The following SDK1 variants were observed in gnomAD, a reference collection of about 807,000 sequenced individuals.
SDK1 encodes the protein protein sidekick-1.
A neutral mutation model predicts 245.5 loss-of-function variants in SDK1; 157 were observed. The ratio of observed to expected loss-of-function variants is 0.64; its 90% CI spans 0.56 to 0.73. The LOEUF (loss-of-function observed/expected upper bound fraction) is 0.73. Ranked by LOEUF, SDK1 falls within the 30% of genes least tolerant of loss-of-function variation. SDK1 has a pLI of 0.00. For missense variants in SDK1, 3,583 were observed against 3,002.3 expected (o/e 1.19, Z -4.52); for synonymous variants, 1,647 against 1,278.5 (o/e 1.29, Z -6.15).
At chr7:3,483,564 C>G (rs561349931) in intron 1 of SDK1, among the ~76,000 whole-genome samples, 2 of 152,236 alleles carry the variant, frequency 1.3e-5, no homozygotes, top group Admixed American at 6.5e-5. Context: ...TTATTGCAAT[C>G]CCTGCACCAC....
At chr7:4,157,410 AAGAAAAGGAGGGAAGGAAGGCAAG>A (rs1320129957) in intron 30 of SDK1, among the ~76,000 whole-genome samples, 67 of 48,402 alleles carry the variant, frequency 1.4e-3, no homozygotes, top group Non-Finnish European at 1.3e-3. Flanking sequence ...GGGAGGAATG[AAGAAAAGGAGGGAAGGAAGGCAAG>A]AGAAAAGGAG....
intron 5 of SDK1, among the ~76,000 whole-genome samples, chr7:3,850,277 A>G (rs1780386731): frequency 6.6e-6 from 1 of 152,184 alleles, no homozygotes; most frequent in Admixed American, 6.5e-5. Context: ...AATGCTATGT[A>G]TCTCATGAGA....
At chr7:3,420,166 G>C (rs1416325526) in intron 1 of SDK1, among the ~76,000 whole-genome samples, 1 of 152,176 alleles carries the variant, frequency 6.6e-6, no homozygotes, top group East Asian at 1.9e-4. Context: ...GGTGTCCTTT[G>C]AATTTAAAAG....
chr7:3,798,279 G>A (rs139027301), intron 4 of SDK1, among the ~76,000 whole-genome samples: 1,523 of 142,862 alleles, frequency 0.011, 21 homozygotes, highest in Non-Finnish European at 0.014. Context: ...GTGCAGTGGC[G>A]CGATCTCAGC....
At chr7:4,006,200 G>A (rs1785475927) in intron 14 of SDK1, among the ~76,000 whole-genome samples, 1 of 152,196 alleles carries the variant, frequency 6.6e-6, no homozygotes, top group South Asian at 2.1e-4. Flanking sequence ...GAAACCACCA[G>A]CTTTTTCAAC....
At position 3,793,498 on chromosome 7, in the gene SDK1, A is replaced by G. The variant is rs182568671; in HGVS notation, c.714-27952A>G. On this transcript the variant is annotated intron_variant, in intron 4 of 44. Transcript: ENST00000404826. ...CATGAAAGGCTTCCTCGTGCCTTAG[A>G]TAGTCTTCAGGTTTCTTTCTTAGTG... 5.9e-5 allele frequency among the ~76,000 whole-genome samples: 9 copies of G among 152,220 alleles called. No individual in the cohort carries two copies. In the East Asian group the frequency reaches 1.7e-3, roughly 29 times the overall value.
intron 1 of SDK1, among the ~76,000 whole-genome samples, chr7:3,395,868 T>G (rs1042732018): frequency 6.6e-6 from 1 of 151,748 alleles, no homozygotes; most frequent in Non-Finnish European, 1.5e-5. Flanking sequence ...TTTCTTTCTC[T>G]CTCTCTTTGC....
chr7:3,471,763 G>A (rs1781190954), intron 1 of SDK1, among the ~76,000 whole-genome samples: 1 of 152,060 alleles, frequency 6.6e-6, no homozygotes, highest in Non-Finnish European at 1.5e-5. Flanking sequence ...GCTTTGTATG[G>A]TTTTACTTTT....
At chr7:3,878,345 C>G (rs1781123209) in intron 5 of SDK1, among the ~76,000 whole-genome samples, 1 of 152,036 alleles carries the variant, frequency 6.6e-6, no homozygotes, top group African/African-American at 2.4e-5. Context: ...ACGGTGAAAC[C>G]CCATCTCTAC....
intron 38 of SDK1, among the ~76,000 whole-genome samples, chr7:4,214,639 C>T (rs1344210914): frequency 6.6e-6 from 1 of 151,570 alleles, no homozygotes; most frequent in Non-Finnish European, 1.5e-5. Context: ...AAGAACAAGC[C>T]ATGCAGACCC....
chr7:3,426,961 C>G (rs553623847), intron 1 of SDK1, among the ~76,000 whole-genome samples: 2 of 152,196 alleles, frequency 1.3e-5, no homozygotes. Context: ...GCCTTCCAAC[C>G]TCATCTCTCA....
intron 4 of SDK1, among the ~76,000 whole-genome samples, chr7:3,651,912 A>G (rs1783025442): frequency 6.6e-6 from 1 of 152,188 alleles, no homozygotes; most frequent in African/African-American, 2.4e-5. Flanking sequence ...AGCTAAGCCA[A>G]CGATCCCAAG....
chr7:3,754,499 C>A (rs572515515), intron 4 of SDK1, among the ~76,000 whole-genome samples: 1 of 151,384 alleles, frequency 6.6e-6, no homozygotes, highest in Admixed American at 6.5e-5. Context: ...CTATCAAGGT[C>A]AGTAACATTG....
In SDK1 at chr7:3,375,375, A is replaced by G. The variant is rs897320171; in HGVS notation, c.298+73491A>G. ...ACATATGGGGGTTTAGTGTGTGTTC[A>G]ATGTATTTCATTTTAAAGTAGTGTA... On this transcript the variant is annotated intron_variant, in intron 1 of 44. Coordinates refer to ENST00000404826, the MANE Select transcript of SDK1 (RefSeq NM_152744.4). 2.6e-5 allele frequency among the ~76,000 whole-genome samples: 4 copies of G among 152,194 alleles called. No homozygotes were observed. The East Asian group carries it at 7.7e-4, about 29-fold the overall frequency.
chr7:3,764,621 G>A (rs1290843660), intron 4 of SDK1, among the ~76,000 whole-genome samples: 1 of 152,108 alleles, frequency 6.6e-6, no homozygotes, highest in African/African-American at 2.4e-5. Context: ...AGCAGAGGTT[G>A]CAGCGAGCAG....
intron 44 of SDK1, among the ~76,000 whole-genome samples, chr7:4,253,470 A>G (rs1016525418): frequency 5.3e-5 from 8 of 152,110 alleles, no homozygotes; most frequent in African/African-American, 1.7e-4. Flanking sequence ...ATTTCTAATT[A>G]TATCCTATTT....
chr7:3,382,695 G>T (rs1326852151), intron 1 of SDK1, among the ~76,000 whole-genome samples: 1 of 151,940 alleles, frequency 6.6e-6, no homozygotes, highest in Non-Finnish European at 1.5e-5. Flanking sequence ...TCCTATGTTG[G>T]CAAAATTATA....
At chr7:3,655,466 T>C (rs1327793283) in intron 4 of SDK1, among the ~76,000 whole-genome samples, 2 of 20,432 alleles carry the variant, frequency 9.8e-5, no homozygotes, top group East Asian at 1.5e-3. Flanking sequence ...TATATATATA[T>C]ATATATATAT....
chr7:4,175,711 A>T, intron 33 of SDK1, 64 bp from the exon 34 acceptor site: 1 of 1,350,060 alleles, frequency 7.4e-7, no homozygotes. Context: ...TTCCTGCCGC[A>T]CATCACCTGC....
Sources: gnomAD v4.1 joint callset for allele counts (sites outside exome capture counted in the v4.1 genomes callset) on GRCh38, gnomAD v4.1.1 for gene constraint, MANE v1.5 for transcripts, NCBI Gene and HGNC (gene_info 2026-07-23, HGNC 2026-07-21) for gene names.